The following NLRP5 variants were observed in gnomAD, a reference collection of about 807,000 sequenced individuals.
The protein encoded by NLRP5 is NACHT, LRR and PYD domains-containing protein 5.
Under a neutral mutation model 113.1 loss-of-function variants are expected in NLRP5, and 93 were observed. The observed-to-expected ratio is 0.82, with a 90% CI of 0.70 to 0.98. The LOEUF (loss-of-function observed/expected upper bound fraction) is 0.98, where lower values mean the gene tolerates loss of function less well. Among genes scored for constraint, NLRP5 ranks in the 50% least tolerant of loss-of-function variants. The probability of loss-of-function intolerance (pLI) is 0.00; values close to 1 mark genes in which losing one functional copy is unlikely to be tolerated. For synonymous variants in NLRP5, 751 were observed against 600.7 expected (o/e 1.25, Z -3.66); for missense variants, 1,808 against 1,514.3 (o/e 1.19, Z -3.22).
the NLRP5 span, among the ~76,000 whole-genome samples, chr19:55,992,661 C>A: frequency 4.4e-4 from 67 of 152,196 alleles, no homozygotes; most frequent in African/African-American, 1.6e-3. Flanking sequence ...CCTTTGTTGA[C>A]AAATTGTCTA....
chr19:56,016,833 G>C (rs1244091765), intron 4 of NLRP5, among the ~76,000 whole-genome samples: 1 of 152,004 alleles, frequency 6.6e-6, no homozygotes, highest in South Asian at 2.1e-4. Context: ...TTTTTTAAGG[G>C]AGTCTTGCTC....
At chr19:56,007,000 A>G (rs527600134) in intron 2 of NLRP5, among the ~76,000 whole-genome samples, 6 of 150,976 alleles carry the variant, frequency 4.0e-5, no homozygotes, top group East Asian at 4.0e-4. Context: ...TGGCCTCCCA[A>G]AGTTCTGGGA....
At chr19:56,030,756 C>T (rs1384349663) in intron 7 of NLRP5, among the ~76,000 whole-genome samples, 1 of 104,494 alleles carries the variant, frequency 9.6e-6, no homozygotes. Context: ...GCTCGGTCAC[C>T]CAGGCTGGAG....
intron 11 of NLRP5, among the ~76,000 whole-genome samples, chr19:56,043,925 T>A (rs924101758): frequency 1.3e-5 from 2 of 151,902 alleles, no homozygotes; most frequent in Non-Finnish European, 2.9e-5. Context: ...TTCAATTAGG[T>A]CCCAGCTATT....
chr19:55,991,177 C>A, the NLRP5 span, among the ~76,000 whole-genome samples: 1 of 152,084 alleles, frequency 6.6e-6, no homozygotes, highest in East Asian at 1.9e-4. Flanking sequence ...CTCTTTTATA[C>A]CATTCGATTG....
rs758556441 is a variant in NLRP5, at chr19:56,027,666, G to T, written c.1433G>T (p.Cys478Phe). 2 of 1,613,414 alleles carry T rather than the reference G, an allele frequency of 1.2e-6. No individual in the cohort carries two copies. The highest frequency in any genetic ancestry group is 4.5e-5 in the East Asian group (2 of 44,880). Residue 478 changes from cysteine (C) to phenylalanine (F), a missense_variant, in exon 7 of 15, where the codon TGC becomes TTC. Physicochemically the swap from Cys to Phe is radical, Grantham distance 205. Coordinates refer to ENST00000390649, the MANE Select transcript of NLRP5 (RefSeq NM_153447.4). ...GTGCCCGCCGTGGGCTCTCTCATCT[G>T]CGTGGCCCTGCAGCTGCAGGACGTG...
At chr19:56,048,308 A>C (rs574972088) in intron 11 of NLRP5, among the ~76,000 whole-genome samples, 1 of 151,928 alleles carries the variant, frequency 6.6e-6, no homozygotes, top group Non-Finnish European at 1.5e-5. Flanking sequence ...TTTTTAACTT[A>C]TATTTTTGTT....
At position 56,027,748 on chromosome 19, in the gene NLRP5, T is replaced by C. The variant is rs760466521; in HGVS notation, c.1515T>C (p.Phe505=). The C allele has an allele frequency of 6.2e-6, 10 of 1,613,928 alleles. No individual in the cohort carries two copies. In the South Asian group the frequency reaches 1.1e-4, roughly 18 times the overall value. ...CGCTCACAGGCCTGCACGCCGCTTT[T>C]GTGTTTCATCAGCTCACCCCTCGAG... Residue 505 remains phenylalanine, a synonymous_variant, in exon 7 of 15, where the codon TTT becomes TTC. Coordinates refer to ENST00000390649, the MANE Select transcript of NLRP5 (RefSeq NM_153447.4).
At position 56,027,986 on chromosome 19, in the gene NLRP5, C is replaced by T; in HGVS notation, c.1753C>T (p.Leu585Phe). The T allele has an allele frequency of 6.2e-7, 1 of 1,614,014 alleles. No individual in the cohort carries two copies. The highest frequency in any genetic ancestry group is 1.3e-5 in the African/African-American group (1 of 75,058). The change falls in exon 7 of 15, where the codon CTC becomes TTC. Residue 585 changes from leucine to phenylalanine, a missense_variant. By Grantham distance (22) the Leu-to-Phe change is conservative. Transcript: ENST00000390649. ...TGAGGAGTACTACACCTTCTTCCAC[C>T]TCAGTCTCCAGGACTTCTGTGCCGC...
rs1344480544 is a variant in NLRP5, at chr19:56,040,921, G to T, written c.2787-1G>T. The T allele has an allele frequency of 3.7e-6, 6 of 1,613,378 alleles. No individual in the cohort carries two copies. Among genetic ancestry groups the T allele is most frequent in the Non-Finnish European group, 5.1e-6 (6 of 1,179,588 alleles). Reference sequence around the variant, plus strand: ...TCCTCTCTGGGGCTCTCTTCTTGCAGACTGGAGGACTGTGGCATCACAGCC... The same window carrying T: ...TCCTCTCTGGGGCTCTCTTCTTGCATACTGGAGGACTGTGGCATCACAGCC... On this transcript the variant is annotated splice_acceptor_variant, in intron 10 of 14. Transcript: ENST00000390649. LOFTEE classifies it high-confidence loss of function.
In NLRP5 at chr19:56,007,888, T is replaced by C. The variant is rs374597846; in HGVS notation, c.443-900T>C. On this transcript the variant is annotated intron_variant, in intron 2 of 14. Coordinates refer to ENST00000390649, the MANE Select transcript of NLRP5 (RefSeq NM_153447.4). ...GACAGTTTGTGTGTGTGTGTGTGTG[T>C]GCGCGTGCGCGCGTGCGTGTGTGTG... Among the ~76,000 whole-genome samples the C allele has an allele frequency of 2.7e-3, 183 of 68,038 alleles. 26 individuals are homozygous for C. The highest frequency in any genetic ancestry group is 7.3e-3 in the African/African-American group (154 of 21,118). The allele number at this position is 68,038 out of a possible 152,430, so 44.6% of individuals were successfully genotyped here.
chr19:56,056,544 G>A (rs538370699), intron 13 of NLRP5, among the ~76,000 whole-genome samples: 13 of 151,996 alleles, frequency 8.6e-5, no homozygotes, highest in African/African-American at 7.2e-5. Flanking sequence ...GCAACAGAGC[G>A]AGACTCTATT....
At chr19:56,022,084 A>G (rs756335541) in intron 6 of NLRP5, among the ~76,000 whole-genome samples, 1 of 152,200 alleles carries the variant, frequency 6.6e-6, no homozygotes, top group African/African-American at 2.4e-5. Context: ...CAGTGTTGTC[A>G]ACTTTAAATT....
intron 14 of NLRP5, among the ~76,000 whole-genome samples, chr19:56,058,667 T>C (rs951268571): frequency 3.9e-5 from 6 of 152,192 alleles, no homozygotes; most frequent in Non-Finnish European, 5.9e-5. Context: ...AAGAACGTTA[T>C]AAATGTTTAT....
rs577071669 is a variant in NLRP5 at position 56,046,326 on chromosome 19, T to A, written c.2958-4092T>A. Among the ~76,000 whole-genome samples the A allele has an allele frequency of 2.0e-5, 3 of 152,172 alleles. No homozygotes were observed. The East Asian group carries it at 5.8e-4, about 29-fold the overall frequency. ...TCATGGTGGATTATCTGACATGTTG[T>A]TGGATTTGGTTAGCTAGCATTTTGT... On this transcript the variant is annotated intron_variant, in intron 11 of 14. Coordinates refer to ENST00000390649, the MANE Select transcript of NLRP5 (RefSeq NM_153447.4).
At chr19:56,032,826 T>C in intron 8 of NLRP5, 45 bp downstream of exon 8, 1 of 1,551,918 alleles carries the variant, frequency 6.4e-7, no homozygotes, top group Non-Finnish European at 8.8e-7. Flanking sequence ...CCCATGACGC[T>C]ATCCCAGCTC....
intron 12 of NLRP5, among the ~76,000 whole-genome samples, 180 bp from the exon 13 acceptor site, chr19:56,053,458 G>A (rs754861471): frequency 3.3e-5 from 5 of 152,098 alleles, no homozygotes; most frequent in African/African-American, 4.8e-5. Context: ...CCCCGCCTCC[G>A]CTATCATTCC....
At position 56,048,435 on chromosome 19, in the gene NLRP5, G is replaced by A. The variant is rs1983804804; in HGVS notation, c.2958-1983G>A. Among the ~76,000 whole-genome samples, 7 of 151,874 alleles carry A rather than the reference G, an allele frequency of 4.6e-5. No homozygotes were observed. The South Asian group carries it at 1.5e-3, about 31-fold the overall frequency. ...GTCTTGGTAATGGCAAAATTTCTCA[G>A]CATTTGTCTGTCTGAAAAAGACTGT... On this transcript the variant is annotated intron_variant, in intron 11 of 14. Coordinates refer to ENST00000390649, the MANE Select transcript of NLRP5 (RefSeq NM_153447.4).
rs1568497648 is a variant in NLRP5, at chr19:56,041,015, C to T, written c.2880C>T (p.Asn960=). 1.9e-6 allele frequency: 3 copies of T among 1,613,864 alleles called. No individual in the cohort carries two copies. Among genetic ancestry groups the T allele is most frequent in the Admixed American group, 1.7e-5 (1 of 59,992 alleles). Residue 960 remains asparagine (N), a synonymous_variant, in exon 11 of 15, where the codon AAC becomes AAT. Coordinates refer to ENST00000390649, the MANE Select transcript of NLRP5 (RefSeq NM_153447.4). ...GCTTGACACACCTGTGCCTATCCAA[C>T]AACAGCCTGGGGAACGAAGGTGTAA... is the stretch of plus-strand genomic sequence containing the variant.
Sources: allele counts gnomAD v4.1 joint callset (sites outside exome capture counted in the v4.1 genomes callset), GRCh38; gene constraint gnomAD v4.1.1; transcripts MANE v1.5; gene names NCBI Gene and HGNC (gene_info 2026-07-23, HGNC 2026-07-21).